The following SEMA3A variants were observed in gnomAD, a reference collection of about 807,000 sequenced individuals.
SEMA3A encodes the protein semaphorin-3A.
SEMA3A carries 29 observed loss-of-function variants against 97.9 expected under a neutral mutation model. The observed-to-expected ratio is 0.30, with a 90% CI of 0.22 to 0.40. SEMA3A has a LOEUF of 0.40. SEMA3A is among the 10% of genes least tolerant of loss of function. The pLI, the probability that SEMA3A is intolerant of heterozygous loss-of-function variation, is 1.00. For synonymous variants in SEMA3A, 321 were observed against 323.7 expected, an observed-to-expected ratio of 0.99 and a Z score of 0.09; for missense variants, 763 against 951.3, an observed-to-expected ratio of 0.80 and a Z score of 2.60.
intron 3 of SEMA3A, among the ~76,000 whole-genome samples, chr7:84,120,840 T>G (rs909887030): frequency 1.3e-5 from 2 of 152,172 alleles, no homozygotes; most frequent in African/African-American, 4.8e-5. Context: ...CAAAAGATTG[T>G]GACTCAGGGT....
intron 1 of SEMA3A, among the ~76,000 whole-genome samples, chr7:84,464,219 A>G (rs1173343627): frequency 6.6e-6 from 1 of 152,220 alleles, no homozygotes; most frequent in Non-Finnish European, 1.5e-5. Context: ...AATGCTAGCC[A>G]TATTTTTTCA....
intron 2 of SEMA3A, among the ~76,000 whole-genome samples, chr7:84,354,979 T>C (rs1484070184): frequency 6.6e-6 from 1 of 151,760 alleles, no homozygotes; most frequent in Admixed American, 6.6e-5. Flanking sequence ...TTTCAACTTC[T>C]TCAGAATGGA....
upstream of SEMA3A, chr7:84,195,024 A>AGAGAGAGAGAGAGAG (rs1798179833): frequency 2.8e-5 from 4 of 140,566 alleles, no homozygotes; most frequent in African/African-American, 8.2e-5. Flanking sequence ...GAGAGAGAGA[A>AGAGAGAGAGAGAGAG]AGAGAGAGAG....
chr7:84,284,546 G>T (rs111330168), intron 3 of SEMA3A, among the ~76,000 whole-genome samples: 115 of 152,242 alleles, frequency 7.6e-4, no homozygotes, highest in African/African-American at 2.6e-3. Flanking sequence ...ATGTAGAATG[G>T]TAAAATGCTT....
At chr7:84,224,177 G>T (rs556794025) in intron 3 of SEMA3A, among the ~76,000 whole-genome samples, 1 of 151,692 alleles carries the variant, frequency 6.6e-6, no homozygotes. Context: ...ATTTAAAGGC[G>T]ACTAATTTAT....
chr7:84,300,016 G>A (rs1800968224), intron 3 of SEMA3A, among the ~76,000 whole-genome samples: 1 of 121,880 alleles, frequency 8.2e-6, no homozygotes, highest in Non-Finnish European at 1.6e-5. Flanking sequence ...TGGGTGACAA[G>A]AGTGAGACTC....
intron 3 of SEMA3A, among the ~76,000 whole-genome samples, chr7:84,213,086 T>C (rs1205061553): frequency 2.6e-5 from 4 of 152,120 alleles, no homozygotes; most frequent in African/African-American, 7.2e-5. Flanking sequence ...CAAGCGATTC[T>C]CCTGCCTCAG....
At chr7:84,050,431 A>G (rs1351780040) in intron 5 of SEMA3A, among the ~76,000 whole-genome samples, 20 of 151,682 alleles carry the variant, frequency 1.3e-4, no homozygotes, top group South Asian at 6.3e-4. Flanking sequence ...TCTCATTGTG[A>G]TTTTGCTTTG....
Position 84,283,021 on chromosome 7 carries a change from A to AT in SEMA3A, c.-83+24185_-83+24186insA, listed in dbSNP as rs1475452879. Among the ~76,000 whole-genome samples, 16 of 149,974 alleles carry AT rather than the reference A, an allele frequency of 1.1e-4. No individual in the cohort carries two copies. In the South Asian group the frequency reaches 2.6e-3, roughly 25 times the overall value. Reference sequence around the variant, plus strand: ...AGAGTAAGACTCCATCTAAAAAAAAAGCATTTTTTTTTAAGTAATGAATAA... The same window carrying AT: ...AGAGTAAGACTCCATCTAAAAAAAAATGCATTTTTTTTTAAGTAATGAATAA... On this transcript the variant is annotated intron_variant, in intron 3 of 3. Coordinates refer to the SEMA3A transcript ENST00000424555.
intron 2 of SEMA3A, among the ~76,000 whole-genome samples, chr7:84,362,465 T>A (rs1229151393): frequency 6.6e-6 from 1 of 151,998 alleles, no homozygotes; most frequent in Non-Finnish European, 1.5e-5. Context: ...TCTAAAAACA[T>A]CAGAGAGATT....
In SEMA3A at chr7:84,007,356, T is replaced by C. The variant is rs2116401995; in HGVS notation, c.1137A>G (p.Gly379=). The stretch of plus-strand genomic sequence containing the variant: ...TTTAAACACCTAAGCTACTTACAGT[T>C]CCTGGCCGTGGATAGGGGACTCTTC... ...YQGRVPYPRP[G]TCPSKTFGGF... is the part of the protein sequence containing the mutation. Residue 379 remains glycine, a synonymous_variant, in exon 10 of 17, where the codon GGA becomes GGG. Coordinates refer to ENST00000265362, the MANE Select transcript of SEMA3A (RefSeq NM_006080.3). 1 of 1,598,964 alleles carries C rather than the reference T, an allele frequency of 6.3e-7. No individual in the cohort carries two copies. The highest frequency in any genetic ancestry group is 1.1e-5 in the South Asian group (1 of 88,296).
chr7:84,051,620 T>C (rs1025589486), intron 5 of SEMA3A, among the ~76,000 whole-genome samples: 2 of 152,180 alleles, frequency 1.3e-5, no homozygotes, highest in African/African-American at 4.8e-5. Flanking sequence ...GCTGAGACAA[T>C]GGGGTTTTCT....
At position 84,081,318 on chromosome 7, in the gene SEMA3A, C is replaced by T. The variant is rs549053012; in HGVS notation, c.454-20760G>A. On this transcript the variant is annotated intron_variant, in intron 4 of 16. Coordinates refer to ENST00000265362, the MANE Select transcript of SEMA3A (RefSeq NM_006080.3). ...AATTTCCCAAGCTTGTAGGGCCGGG[C>T]GCGGTGGCTCATGCCTGTAATCCCA... 1.3e-3 allele frequency among the ~76,000 whole-genome samples: 199 copies of T among 152,008 alleles called. 2 individuals are homozygous for T. Among genetic ancestry groups the T allele is most frequent in the African/African-American group, 4.5e-3 (187 of 41,470 alleles).
intron 1 of SEMA3A, among the ~76,000 whole-genome samples, chr7:84,194,236 GC>G (rs1257764939): frequency 6.6e-6 from 1 of 152,084 alleles, no homozygotes; most frequent in Non-Finnish European, 1.5e-5. Context: ...CAGGCATACA[GC>G]TCTTTTCAGC....
In SEMA3A at chr7:84,095,238, AAT is replaced by A. The variant is rs1024959809; in HGVS notation, c.453+15230_453+15231del. On this transcript the variant is annotated intron_variant, in intron 4 of 16. Transcript: ENST00000265362. The stretch of plus-strand genomic sequence containing the variant: ...GCAATTATATATTACATTATATATA[AAT>A]ATATGTTTATATATTATTATATACC... 9.8e-5 allele frequency among the ~76,000 whole-genome samples: 14 copies of A among 142,660 alleles called. No individual in the cohort carries two copies. In the East Asian group the frequency reaches 1.0e-3, roughly 10 times the overall value. 93.6% of individuals were successfully genotyped at this position (142,660 alleles called of 152,430 possible). A position where few individuals can be genotyped will look rare whatever the true frequency, so the allele number is the denominator to read the frequency against.
chr7:84,407,480 A>G (rs1246833127), intron 1 of SEMA3A, among the ~76,000 whole-genome samples: 1 of 152,114 alleles, frequency 6.6e-6, no homozygotes, highest in Non-Finnish European at 1.5e-5. Flanking sequence ...AAGGTAATTT[A>G]TAGATTCAAT....
intron 2 of SEMA3A, among the ~76,000 whole-genome samples, chr7:84,318,415 C>A (rs28586568): frequency 6.7e-6 from 1 of 148,674 alleles, no homozygotes; most frequent in South Asian, 2.1e-4. Flanking sequence ...CTCCGCCTCC[C>A]GGGTTCACGC....
chr7:84,324,357 G>A (rs1421533622), intron 2 of SEMA3A, among the ~76,000 whole-genome samples: 1 of 152,110 alleles, frequency 6.6e-6, no homozygotes, highest in East Asian at 1.9e-4. Context: ...ATTAACATGA[G>A]ATTACTCAAC....
intron 1 of SEMA3A, among the ~76,000 whole-genome samples, chr7:84,399,860 A>G (rs1803851587): frequency 6.6e-6 from 1 of 151,762 alleles, no homozygotes. Flanking sequence ...AAGCTGGTGT[A>G]ATGACAGCTG....
Sources: allele counts gnomAD v4.1 joint callset (sites outside exome capture counted in the v4.1 genomes callset), GRCh38; gene constraint gnomAD v4.1.1; transcripts MANE v1.5; gene names NCBI Gene and HGNC (gene_info 2026-07-23, HGNC 2026-07-21).